Variants in GCN1 observed in about 807,000 individuals in gnomAD.
The protein encoded by GCN1 is stalled ribosome sensor GCN1.
GCN1 carries 90 observed loss-of-function variants against 288.4 expected under a neutral mutation model. That is an observed-to-expected ratio of 0.31 (90% confidence interval 0.26 to 0.37). GCN1 has a LOEUF of 0.37. Among genes scored for constraint, GCN1 ranks in the 10% least tolerant of loss-of-function variants. The probability of loss-of-function intolerance (pLI) is 1.00; values close to 1 mark genes in which losing one functional copy is unlikely to be tolerated. For synonymous variants in GCN1, 1,386 were observed against 1,420.2 expected (o/e 0.98, Z 0.54); for missense variants, 2,586 against 3,419.9 (o/e 0.76, Z 6.08).
In GCN1 at chr12:120,169,276, CAAAAAAAAAAAAAAAAAAAG is replaced by C. The variant is rs1216566997; in HGVS notation, c.1519+873_1519+892del. Among the ~76,000 whole-genome samples, 10 of 66,676 alleles carry C rather than the reference CAAAAAAAAAAAAAAAAAAAG, an allele frequency of 1.5e-4. No individual in the cohort carries two copies. In the Admixed American group the frequency reaches 1.6e-3, roughly 10 times the overall value. The allele number at this position is 66,676 out of a possible 152,430, so 43.7% of individuals were successfully genotyped here. ...TGGGCGACAGAGCGAAACTCCGTCT[CAAAAAAAAAAAAAAAAAAAG>C]AAAAAAAAAAAAGAAAAGAAAGCCT... is the stretch of plus-strand genomic sequence containing the variant. On this transcript the variant is annotated intron_variant, in intron 15 of 57. Coordinates refer to ENST00000300648, the MANE Select transcript of GCN1 (RefSeq NM_006836.2).
At chr12:120,181,170 T>C (rs1010251823) in intron 5 of GCN1, among the ~76,000 whole-genome samples, 9 of 151,986 alleles carry the variant, frequency 5.9e-5, no homozygotes, top group South Asian at 4.2e-4. Context: ...TAGCATAGTA[T>C]AGAAAGGATT....
Position 120,155,116 on chromosome 12 carries a change from A to G in GCN1, c.3631-76T>C. 5 of 1,527,144 alleles carry G rather than the reference A, an allele frequency of 3.3e-6. No individual in the cohort carries two copies. Among genetic ancestry groups the G allele is most frequent in the Non-Finnish European group, 4.5e-6 (5 of 1,100,940 alleles). The allele number at this position is 1,527,144 out of a possible 1,614,324, so 94.6% of individuals were successfully genotyped here. A position where few individuals can be genotyped will look rare whatever the true frequency, so the allele number is the denominator to read the frequency against. ...GGGCACCAGGATTGTGAGGCAGGAA[A>G]CTAGCCGCAGCTACCCTGAGCCACC... On this transcript the variant is annotated intron_variant, in intron 30 of 57. Transcript: ENST00000300648. The surrounding 1 kb of genome is among the most constrained non-coding windows in gnomAD (Gnocchi z 4.9).
intron 1 of GCN1, among the ~76,000 whole-genome samples, chr12:120,190,924 G>A (rs942416057): frequency 6.6e-6 from 1 of 152,250 alleles, no homozygotes; most frequent in Admixed American, 6.5e-5. Flanking sequence ...GGCTAAAGGG[G>A]GAAAGGTTAG....
intron 11 of GCN1, among the ~76,000 whole-genome samples, 183 bp downstream of exon 11, chr12:120,175,563 T>C (rs1020177943): frequency 2.0e-5 from 3 of 152,176 alleles, no homozygotes; most frequent in Admixed American, 6.5e-5. Flanking sequence ...GATCACCCCA[T>C]CCACACCACC....
intron 31 of GCN1, among the ~76,000 whole-genome samples, chr12:120,154,733 C>G (rs759943870): frequency 5.3e-5 from 8 of 152,220 alleles, no homozygotes; most frequent in Non-Finnish European, 1.0e-4. Flanking sequence ...GTGGCTACAT[C>G]TTGGACAGTA....
Position 120,177,501 on chromosome 12 carries a change from T to C in GCN1, c.784A>G (p.Ile262Val). 6.2e-7 allele frequency: 1 copy of C among 1,611,934 alleles called. No individual in the cohort carries two copies. Among genetic ancestry groups the C allele is most frequent in the Non-Finnish European group, 8.5e-7 (1 of 1,178,036 alleles). ...YLSHSEFKDL[I>V]LPTIQKSLLR... is the part of the protein sequence containing the mutation. The stretch of plus-strand genomic sequence containing the variant: ...AAGGACTTCTGTATGGTGGGCAGTA[T>C]CAGATCCTTAAATTCTGAGTGGGAC... Residue 262 changes from isoleucine (I) to valine (V), a missense_variant, in exon 9 of 58, where the codon ATA becomes GTA. Ile to Val is a conservative substitution (Grantham distance 29, BLOSUM62 3). Coordinates refer to ENST00000300648, the MANE Select transcript of GCN1 (RefSeq NM_006836.2).
chr12:120,142,764 T>C lies in GCN1; in HGVS notation c.5614-42A>G, dbSNP rs761073758. ...GGGACAGAGAGTAGTGAAGCCTCTA[T>C]GGCATGGGCATCAGGGCACACCCTA... is the stretch of plus-strand genomic sequence containing the variant. On this transcript the variant is annotated intron_variant, in intron 43 of 57. Transcript: ENST00000300648. This position sits in a 1 kb window ranked among gnomAD's most constrained non-coding sequence, Gnocchi z 4.9. The C allele has an allele frequency of 2.5e-6, 4 of 1,605,038 alleles. No homozygotes were observed. In the African/African-American group the frequency reaches 4.0e-5, roughly 16 times the overall value.
chr12:120,131,695 C>T (rs1232402535), intron 54 of GCN1, among the ~76,000 whole-genome samples: 1 of 152,208 alleles, frequency 6.6e-6, no homozygotes, highest in Non-Finnish European at 1.5e-5. Context: ...CTCACTGCAA[C>T]CTTCAACTCT....
In GCN1 at chr12:120,160,136, A is replaced by G. The variant is rs2139113573; in HGVS notation, c.2550+6T>C. ...GCTTGAGCATGTGGCGGAGGTGGCC[A>G]CTCACCTCCTGCAGCCGCCTCCGGA... On this transcript the variant is annotated splice_donor_region_variant and intron_variant, in intron 23 of 57. Coordinates refer to ENST00000300648, the MANE Select transcript of GCN1 (RefSeq NM_006836.2). 1 of 1,600,444 alleles carries G rather than the reference A, an allele frequency of 6.2e-7. No homozygotes were observed. Among genetic ancestry groups the G allele is most frequent in the Middle Eastern group, 1.7e-4 (1 of 6,030 alleles).
intron 9 of GCN1, among the ~76,000 whole-genome samples, 171 bp from the exon 10 acceptor site, chr12:120,176,388 C>T (rs987530093): frequency 3.3e-5 from 5 of 152,176 alleles, no homozygotes; most frequent in Non-Finnish European, 7.4e-5. Context: ...ACCTCCCCAT[C>T]CCGATCAGCA....
chr12:120,181,273 C>A (rs1878648582), intron 5 of GCN1, among the ~76,000 whole-genome samples: 1 of 151,264 alleles, frequency 6.6e-6, no homozygotes, highest in Non-Finnish European at 1.5e-5. Flanking sequence ...CGAGACCAAC[C>A]CGGGCAACAA....
At position 120,134,819 on chromosome 12, in the gene GCN1, C is replaced by T. The variant is rs1876945360; in HGVS notation, c.7009-93G>A. On this transcript the variant is annotated intron_variant, in intron 51 of 57. Coordinates refer to ENST00000300648, the MANE Select transcript of GCN1 (RefSeq NM_006836.2). The surrounding 1 kb of genome is among the most constrained non-coding windows in gnomAD (Gnocchi z 5.0). ...ATGAGAACAAATGACAATCCCAAAC[C>T]ACCACAGCGAGTCCAGCTCTCATAC... 2 of 1,061,252 alleles carry T rather than the reference C, an allele frequency of 1.9e-6. No homozygotes were observed. The highest frequency in any genetic ancestry group is 1.6e-5 in the African/African-American group (1 of 64,150). 65.7% of individuals were successfully genotyped at this position (1,061,252 alleles called of 1,614,324 possible). A position where few individuals can be genotyped will look rare whatever the true frequency, so the allele number is the denominator to read the frequency against.
rs1422449876 is a variant in GCN1 at position 120,161,929 on chromosome 12, T to C, written c.2293A>G (p.Ile765Val). Reference sequence around the variant, plus strand: ...AGCTCCCCAGCAGGGGTCTGCATAATGGCAAACTCCTCCCGCGTCACCAGG... The same window carrying C: ...AGCTCCCCAGCAGGGGTCTGCATAACGGCAAACTCCTCCCGCGTCACCAGG... Reference protein sequence around the residue: ...LRLVTREEFAIMQTPAGELYD... With the variant: ...LRLVTREEFAVMQTPAGELYD... The change falls in exon 21 of 58, where the codon ATT becomes GTT. Residue 765 changes from isoleucine (I) to valine (V), a missense_variant. Ile to Val is a conservative substitution (Grantham distance 29). Coordinates refer to ENST00000300648, the MANE Select transcript of GCN1 (RefSeq NM_006836.2). The C allele has an allele frequency of 1.9e-6, 3 of 1,614,062 alleles. No individual in the cohort carries two copies. The highest frequency in any genetic ancestry group is 1.7e-5 in the Admixed American group (1 of 60,006).
chr12:120,139,765 A>G (rs1203353529), intron 45 of GCN1, among the ~76,000 whole-genome samples: 1 of 152,146 alleles, frequency 6.6e-6, no homozygotes, highest in East Asian at 1.9e-4. Context: ...ACTCCTTCCC[A>G]TGGCATCTGG....
chr12:120,168,557 C>A, intron 15 of GCN1: 1 of 424,252 alleles, frequency 2.4e-6, no homozygotes, highest in Middle Eastern at 6.7e-4. Context: ...CCACCCCAGG[C>A]GCCAAGCTGG....
At chr12:120,147,892 T>C (rs1253148085) in intron 37 of GCN1, among the ~76,000 whole-genome samples, 1 of 152,224 alleles carries the variant, frequency 6.6e-6, no homozygotes, top group Non-Finnish European at 1.5e-5. Context: ...TGAGATGGAA[T>C]AGCAAGTTTT....
At position 120,156,872 on chromosome 12, in the gene GCN1, G is replaced by T; in HGVS notation, c.3168+40C>A. 7.3e-7 allele frequency: 1 copy of T among 1,363,528 alleles called. No homozygotes were observed. The highest frequency in any genetic ancestry group is 1.1e-6 in the Non-Finnish European group (1 of 951,294). 84.5% of individuals were successfully genotyped at this position (1,363,528 alleles called of 1,614,324 possible). A position where few individuals can be genotyped will look rare whatever the true frequency, so the allele number is the denominator to read the frequency against. ...CACTGGGACTTGAGGTCTGGGTCAC[G>T]AACTGAGTCACAGCAACAGCCAACT... On this transcript the variant is annotated intron_variant, in intron 27 of 57. Coordinates refer to ENST00000300648, the MANE Select transcript of GCN1 (RefSeq NM_006836.2). This position sits in a 1 kb window ranked among gnomAD's most constrained non-coding sequence, Gnocchi z 5.8.
At position 120,177,677 on chromosome 12, in the gene GCN1, C is replaced by T. The variant is rs1479998475; in HGVS notation, c.729+7G>A. 1.2e-6 allele frequency: 2 copies of T among 1,607,412 alleles called. No homozygotes were observed. Among genetic ancestry groups the T allele is most frequent in the Admixed American group, 1.7e-5 (1 of 60,010 alleles). ...GTCCAGGTGAGTAACGTCCACCTCT[C>T]GCTCACCAACAGGTACTTCGGAGGC... is the stretch of plus-strand genomic sequence containing the variant. On this transcript the variant is annotated splice_region_variant and intron_variant, in intron 8 of 57. Coordinates refer to ENST00000300648, the MANE Select transcript of GCN1 (RefSeq NM_006836.2).
chr12:120,157,803 C>T, intron 26 of GCN1, 46 bp downstream of exon 26: 4 of 1,519,700 alleles, frequency 2.6e-6, no homozygotes, highest in Non-Finnish European at 3.6e-6. Flanking sequence ...GCCCTGCCTC[C>T]CTGATCCCCT....
Sources: gnomAD v4.1 joint callset for allele counts (sites outside exome capture counted in the v4.1 genomes callset) on GRCh38, gnomAD v4.1.1 for gene constraint, Gnocchi (gnomAD v3.1) non-coding constraint, MANE v1.5 for transcripts, NCBI Gene and HGNC (gene_info 2026-07-23, HGNC 2026-07-21) for gene names.